The following DCUN1D1 variants were observed in gnomAD, a reference collection of about 807,000 sequenced individuals.
The protein encoded by DCUN1D1 is defective in cullin neddylation 1 domain containing 1.
Under a neutral mutation model 39.0 loss-of-function variants are expected in DCUN1D1, and 3 were observed. That is an observed-to-expected ratio of 0.08 (90% CI 0.04 to 0.20). The LOEUF (loss-of-function observed/expected upper bound fraction) is 0.20. Ranked by LOEUF, DCUN1D1 falls within the 10% of genes least tolerant of loss-of-function variation. The pLI is 1.00. For missense variants in DCUN1D1, 158 were observed against 302.4 expected (o/e 0.52, Z 3.54); for synonymous variants, 82 against 96.3 (o/e 0.85, Z 0.87).
intron 4 of DCUN1D1, among the ~76,000 whole-genome samples, chr3:182,953,822 C>A (rs1415102423): frequency 6.6e-6 from 1 of 152,106 alleles, no homozygotes; most frequent in African/African-American, 2.4e-5. Flanking sequence ...GAGATCCTTG[C>A]AGAATAAATC....
At chr3:182,979,232 T>C (rs1415890563) in intron 1 of DCUN1D1, among the ~76,000 whole-genome samples, 1 of 152,180 alleles carries the variant, frequency 6.6e-6, no homozygotes, top group East Asian at 1.9e-4. Flanking sequence ...ACATAAGTGT[T>C]AAATATGTGT....
intron 1 of DCUN1D1, among the ~76,000 whole-genome samples, chr3:182,974,579 C>A (rs551547580): frequency 1.3e-5 from 2 of 151,514 alleles, no homozygotes; most frequent in Non-Finnish European, 1.5e-5. Context: ...AATAAATGAT[C>A]CTTGAAAAAT....
At chr3:182,980,105 G>A in intron 1 of DCUN1D1, 1 of 947,784 alleles carries the variant, frequency 1.1e-6, no homozygotes, top group Non-Finnish European at 1.3e-6. Context: ...TCCCCGACCA[G>A]ACACAATGGA....
chr3:182,957,002 A>G (rs563851439), intron 4 of DCUN1D1, among the ~76,000 whole-genome samples: 1 of 152,342 alleles, frequency 6.6e-6, no homozygotes, highest in African/African-American at 2.4e-5. Flanking sequence ...TAGTTAAAAT[A>G]ATTGGAATGC....
intron 4 of DCUN1D1, chr3:182,955,770 A>G (rs548771229): frequency 3.3e-4 from 101 of 302,202 alleles, no homozygotes; most frequent in African/African-American, 2.1e-3. Flanking sequence ...TAGTAGAAAC[A>G]GGGTTTCACC....
At chr3:182,972,899 G>C (rs534624868) in intron 1 of DCUN1D1, among the ~76,000 whole-genome samples, 2 of 152,202 alleles carry the variant, frequency 1.3e-5, no homozygotes, top group African/African-American at 4.8e-5. Flanking sequence ...AAAATTAGCC[G>C]GGCATGGTGG....
At chr3:182,964,234 A>T (rs1727549887) in intron 2 of DCUN1D1, among the ~76,000 whole-genome samples, 185 bp from the exon 3 acceptor site, 1 of 152,222 alleles carries the variant, frequency 6.6e-6, no homozygotes, top group Non-Finnish European at 1.5e-5. Context: ...CAGCATTCTT[A>T]AAGTGTAGAG....
At chr3:182,962,962 T>C (rs886883776) in intron 3 of DCUN1D1, among the ~76,000 whole-genome samples, 7 of 152,264 alleles carry the variant, frequency 4.6e-5, no homozygotes, top group African/African-American at 1.7e-4. Context: ...GTATTTTTTG[T>C]AGAGACGGGG....
intron 4 of DCUN1D1, among the ~76,000 whole-genome samples, 155 bp from the exon 5 acceptor site, chr3:182,947,787 A>G (rs995507138): frequency 3.3e-5 from 5 of 152,272 alleles, no homozygotes; most frequent in African/African-American, 1.2e-4. Context: ...TCCTATACAA[A>G]TGAGTCCAAA....
chr3:182,959,519 A>AAT, intron 4 of DCUN1D1, among the ~76,000 whole-genome samples: 1 of 150,568 alleles, frequency 6.6e-6, no homozygotes, highest in South Asian at 2.1e-4. Context: ...AAAAAAAAAA[A>AAT]AAAAAAACCT....
chr3:182,949,353 A>C (rs1188138480), intron 4 of DCUN1D1, among the ~76,000 whole-genome samples: 1 of 149,514 alleles, frequency 6.7e-6, no homozygotes, highest in African/African-American at 2.5e-5. Flanking sequence ...ACAGAACAAG[A>C]CTCCGTCTCA....
At chr3:182,977,249 T>A (rs1728282126) in intron 1 of DCUN1D1, among the ~76,000 whole-genome samples, 1 of 152,212 alleles carries the variant, frequency 6.6e-6, no homozygotes, top group East Asian at 1.9e-4. Flanking sequence ...CTCCTTGATA[T>A]TCAATTTCTT....
chr3:182,979,547 T>G (rs151057261), intron 1 of DCUN1D1, among the ~76,000 whole-genome samples: 2 of 151,498 alleles, frequency 1.3e-5, no homozygotes, highest in Non-Finnish European at 2.9e-5. Flanking sequence ...GGTACTTAAT[T>G]ACCAAAGTAA....
At chr3:182,954,867 T>C (rs1236862091) in intron 4 of DCUN1D1, among the ~76,000 whole-genome samples, 1 of 152,204 alleles carries the variant, frequency 6.6e-6, no homozygotes, top group Admixed American at 6.5e-5. Context: ...TATACAACCA[T>C]CAATTCTGAA....
chr3:182,980,014 T>A (rs1245670536), intron 1 of DCUN1D1: 1 of 253,962 alleles, frequency 3.9e-6, no homozygotes, highest in African/African-American at 2.3e-5. Flanking sequence ...GGAAAGTCTT[T>A]CCTTCTCCCC....
intron 1 of DCUN1D1, among the ~76,000 whole-genome samples, chr3:182,965,988 T>G (rs975706100): frequency 4.6e-5 from 7 of 152,044 alleles, no homozygotes; most frequent in Admixed American, 3.3e-4. Flanking sequence ...CGAAGGAAGC[T>G]CAACCACCCA....
rs138115590 is a variant in DCUN1D1, at chr3:182,941,039, T to C, written c.*4055A>G. On this transcript the variant is annotated 3_prime_UTR_variant, in exon 7 of 7. Coordinates refer to ENST00000292782, the MANE Select transcript of DCUN1D1 (RefSeq NM_020640.4). ...AAAGGAAAATAAAAAAACACATTAA[T>C]AGGAAACACTGAACCTAGTCAAATA... is the stretch of plus-strand genomic sequence containing the variant. 1 of 152,170 alleles carries C rather than the reference T, an allele frequency of 6.6e-6. No homozygotes were observed. The highest frequency in any genetic ancestry group is 1.9e-4 in the East Asian group (1 of 5,186). The allele number at this position is 152,170 out of a possible 1,614,324, so 9.4% of individuals were successfully genotyped here.
At position 182,957,439 on chromosome 3, in the gene DCUN1D1, C is replaced by A. The variant is rs904924302; in HGVS notation, c.520+3787G>T. 4.6e-5 allele frequency among the ~76,000 whole-genome samples: 7 copies of A among 152,116 alleles called. No homozygotes were observed. In the East Asian group the frequency reaches 7.7e-4, roughly 17 times the overall value. On this transcript the variant is annotated intron_variant, in intron 4 of 6. Coordinates refer to ENST00000292782, the MANE Select transcript of DCUN1D1 (RefSeq NM_020640.4). ...GCCAGGAGGTTGAGGCCAGCCTGGG[C>A]AACACGGTGAGTCCTTATCTCTACA...
intron 1 of DCUN1D1, among the ~76,000 whole-genome samples, chr3:182,971,213 G>T (rs1049286398): frequency 6.6e-6 from 1 of 152,086 alleles, no homozygotes; most frequent in African/African-American, 2.4e-5. Flanking sequence ...ATCAATTCAG[G>T]TTAAACTCTT....
Sources: gnomAD v4.1 joint callset for allele counts (sites outside exome capture counted in the v4.1 genomes callset) on GRCh38, gnomAD v4.1.1 for gene constraint, MANE v1.5 for transcripts, NCBI Gene and HGNC (gene_info 2026-07-23, HGNC 2026-07-21) for gene names.